The following ESRRG variants were observed in gnomAD, a reference collection of about 807,000 sequenced individuals.
ESRRG encodes the protein estrogen related receptor gamma, also known as estrogen-related receptor gamma.
ESRRG carries 13 observed loss-of-function variants against 44.0 expected under a neutral mutation model. That is an observed-to-expected ratio of 0.30 (90% CI 0.19 to 0.47). The LOEUF is 0.47. Among genes scored for constraint, ESRRG ranks in the 20% least tolerant of loss-of-function variants. The pLI is 1.00. For missense variants in ESRRG, 395 were observed against 580.6 expected (o/e 0.68, Z 3.29); for synonymous variants, 215 against 214.6 (o/e 1.00, Z -0.02).
chr1:216,651,730 T>C (rs1393569404), intron 2 of ESRRG, among the ~76,000 whole-genome samples: 1 of 152,166 alleles, frequency 6.6e-6, no homozygotes, highest in African/African-American at 2.4e-5. Context: ...CTCATCATGA[T>C]GTGTGTTACA....
intron 2 of ESRRG, among the ~76,000 whole-genome samples, chr1:216,663,609 A>C (rs2073113331): frequency 6.7e-6 from 1 of 150,256 alleles, no homozygotes; most frequent in Admixed American, 6.7e-5. Context: ...TAGATTAAAA[A>C]AATTTTTCTC....
At chr1:216,645,057 G>A (rs1485372791) in intron 3 of ESRRG, among the ~76,000 whole-genome samples, 1 of 152,152 alleles carries the variant, frequency 6.6e-6, no homozygotes, top group African/African-American at 2.4e-5. Context: ...GGAAGGAAAT[G>A]TGAGGAAATA....
chr1:216,554,377 C>A (rs140797550), intron 5 of ESRRG, among the ~76,000 whole-genome samples: 185 of 151,960 alleles, frequency 1.2e-3, no homozygotes, highest in African/African-American at 4.3e-3. Flanking sequence ...TCCTTTGAAC[C>A]CAGGAGGTGG....
chr1:216,820,916 T>C (rs1484128130), intron 2 of ESRRG, among the ~76,000 whole-genome samples: 2 of 152,210 alleles, frequency 1.3e-5, no homozygotes, highest in Non-Finnish European at 2.9e-5. Context: ...ACTTATCCTC[T>C]TTATGGTTGC....
At chr1:216,615,506 G>A (rs899451510) in intron 3 of ESRRG, among the ~76,000 whole-genome samples, 6 of 152,128 alleles carry the variant, frequency 3.9e-5, no homozygotes, top group African/African-American at 7.2e-5. Context: ...CAGAAGCCCA[G>A]CTAGCTACAG....
intron 2 of ESRRG, among the ~76,000 whole-genome samples, chr1:216,810,585 T>TTA (rs1468691205): frequency 6.8e-6 from 1 of 147,522 alleles, no homozygotes; most frequent in Admixed American, 6.8e-5. Flanking sequence ...ATATTATAAA[T>TTA]TATATATATA....
intron 1 of ESRRG, among the ~76,000 whole-genome samples, chr1:216,693,649 T>C (rs1370058810): frequency 1.3e-5 from 2 of 152,246 alleles, no homozygotes; most frequent in Admixed American, 6.5e-5. Flanking sequence ...ATAGTTGTTA[T>C]ACTGTATTGT....
intron 2 of ESRRG, among the ~76,000 whole-genome samples, chr1:216,787,574 C>G (rs1194170617): frequency 2.8e-5 from 4 of 140,958 alleles, no homozygotes; most frequent in Non-Finnish European, 6.0e-5. Flanking sequence ...TGCACTCCAG[C>G]CTGGGTGACA....
At chr1:216,956,540 G>T (rs879724707) in intron 1 of ESRRG, among the ~76,000 whole-genome samples, 8 of 152,150 alleles carry the variant, frequency 5.3e-5, no homozygotes, top group Non-Finnish European at 1.0e-4. Context: ...CAGGTAGTGT[G>T]ATGCCTCCAG....
chr1:217,085,346 C>T (rs77423480), intron 1 of ESRRG, among the ~76,000 whole-genome samples: 24,711 of 151,934 alleles, frequency 0.16, 2,314 homozygotes, highest in Admixed American at 0.22. Context: ...AAAGAAGGCC[C>T]CGTGGGGCTC....
chr1:216,517,825 G>T (rs893680074), intron 6 of ESRRG, among the ~76,000 whole-genome samples: 9 of 152,072 alleles, frequency 5.9e-5, no homozygotes, highest in Admixed American at 5.9e-4. Flanking sequence ...TCACAGGAGC[G>T]TAGAAGAAGA....
At position 217,098,139 on chromosome 1, in the gene ESRRG, A is replaced by C. The variant is rs61816747; in HGVS notation, c.-230+39528T>G. 4.3e-3 allele frequency among the ~76,000 whole-genome samples: 655 copies of C among 152,240 alleles called. 7 individuals are homozygous for C. Among genetic ancestry groups the C allele is most frequent in the Admixed American group, 8.7e-3 (133 of 15,292 alleles). The stretch of plus-strand genomic sequence containing the variant: ...GATGCAAATAAGGCTGAAGTGTTGG[A>C]TTCTTGTCCAGAACATGAAAGTTCT... On this transcript the variant is annotated intron_variant, in intron 1 of 8. Coordinates refer to the ESRRG transcript ENST00000366940.
rs147775349 is a variant in ESRRG at position 217,009,097 on chromosome 1, C to T, written c.-105-69424G>A. Among the ~76,000 whole-genome samples, 381 of 152,246 alleles carry T rather than the reference C, an allele frequency of 2.5e-3. 1 individual carries two copies. The highest frequency in any genetic ancestry group is 8.9e-3 in the African/African-American group (368 of 41,520). ...AATATGTCACATTCACTTGCATCTC[C>T]GTAATTTCACCTTGCTTCCTTGTTA... On this transcript the variant is annotated intron_variant, in intron 1 of 7. Transcript: ENST00000359162.
chr1:216,714,167 C>T (rs1206088444), intron 1 of ESRRG, among the ~76,000 whole-genome samples: 1 of 152,104 alleles, frequency 6.6e-6, no homozygotes, highest in Admixed American at 6.5e-5. Flanking sequence ...TATAAAAGCA[C>T]TCAACTAGAA....
intron 1 of ESRRG, among the ~76,000 whole-genome samples, chr1:217,029,238 G>A (rs1034482100): frequency 2.6e-5 from 4 of 152,202 alleles, no homozygotes; most frequent in African/African-American, 2.4e-5. Flanking sequence ...GGTGGGGGTA[G>A]TGTAAAAGCA....
intron 1 of ESRRG, among the ~76,000 whole-genome samples, chr1:216,946,976 T>G (rs2066163479): frequency 1.3e-5 from 2 of 152,064 alleles, no homozygotes; most frequent in South Asian, 4.1e-4. Context: ...CCATTACAGG[T>G]GTGAGCCACC....
intron 1 of ESRRG, among the ~76,000 whole-genome samples, chr1:216,945,325 T>A (rs889593586): frequency 6.6e-6 from 1 of 152,150 alleles, no homozygotes; most frequent in African/African-American, 2.4e-5. Context: ...TGGCTTGAAC[T>A]GAGAGCCATC....
chr1:217,103,882 T>A (rs1289084323), intron 1 of ESRRG, among the ~76,000 whole-genome samples: 1 of 152,004 alleles, frequency 6.6e-6, no homozygotes, highest in East Asian at 1.9e-4. Context: ...CTCAAGTGGC[T>A]GAAGTAGAAT....
At chr1:216,645,687 C>T (rs1477743734) in intron 3 of ESRRG, among the ~76,000 whole-genome samples, 1 of 151,742 alleles carries the variant, frequency 6.6e-6, no homozygotes, top group Non-Finnish European at 1.5e-5. Context: ...GCCTGAGTAA[C>T]ATAGTGAGAT....
Sources: gnomAD v4.1 joint callset for allele counts (sites outside exome capture counted in the v4.1 genomes callset) on GRCh38, gnomAD v4.1.1 for gene constraint, MANE v1.5 for transcripts, NCBI Gene and HGNC (gene_info 2026-07-23, HGNC 2026-07-21) for gene names.